Variants in TMEM132D observed in about 807,000 individuals in gnomAD.
TMEM132D encodes the protein transmembrane protein 132D.
TMEM132D carries 21 observed loss-of-function variants against 62.3 expected under a neutral mutation model. That is an observed-to-expected ratio of 0.34 (90% CI 0.24 to 0.49). TMEM132D has a LOEUF of 0.49. Among genes scored for constraint, TMEM132D ranks in the 20% least tolerant of loss-of-function variants. The pLI is 0.99. For missense variants in TMEM132D, 1,346 were observed against 1,402.8 expected (o/e 0.96, Z 0.65); for synonymous variants, 621 against 575.6 (o/e 1.08, Z -1.13).
chr12:129,524,633 C>T (rs1174819616), intron 3 of TMEM132D, among the ~76,000 whole-genome samples: 1 of 152,114 alleles, frequency 6.6e-6, no homozygotes, highest in African/African-American at 2.4e-5. Context: ...AAGCTTTTAT[C>T]TAGAGCATAT....
intron 4 of TMEM132D, among the ~76,000 whole-genome samples, chr12:129,225,361 C>T (rs897923428): frequency 1.3e-5 from 2 of 152,216 alleles, no homozygotes; most frequent in African/African-American, 4.8e-5. Context: ...TACACAGCAT[C>T]AGATGTGGGA....
chr12:129,117,473 A>G (rs1170154488), intron 5 of TMEM132D, among the ~76,000 whole-genome samples: 1 of 152,222 alleles, frequency 6.6e-6, no homozygotes, highest in Non-Finnish European at 1.5e-5. Flanking sequence ...TGACATTTAT[A>G]TAGTATTTAC....
chr12:129,219,574 A>G (rs1274218136), intron 4 of TMEM132D, among the ~76,000 whole-genome samples: 9 of 152,194 alleles, frequency 5.9e-5, no homozygotes, highest in Admixed American at 5.9e-4. Flanking sequence ...GAAATTCCCC[A>G]TGATAAAGTA....
chr12:129,687,563 G>A (rs1880962725), intron 2 of TMEM132D, among the ~76,000 whole-genome samples: 1 of 152,100 alleles, frequency 6.6e-6, no homozygotes, highest in South Asian at 2.1e-4. Context: ...GGCACAACCA[G>A]GGGGGTGAAA....
Position 129,881,316 on chromosome 12 carries a change from T to C in TMEM132D, c.79+21945A>G, listed in dbSNP as rs1193138056. On this transcript the variant is annotated intron_variant, in intron 1 of 8. Coordinates refer to ENST00000422113, the MANE Select transcript of TMEM132D (RefSeq NM_133448.3). ...AGAAAATATACATAAAGAAAATTCA[T>C]AAGAATATGGACTATCTGGTATGAA... is the stretch of plus-strand genomic sequence containing the variant. Among the ~76,000 whole-genome samples, 5 of 151,936 alleles carry C rather than the reference T, an allele frequency of 3.3e-5. No individual in the cohort carries two copies. The East Asian group carries it at 9.6e-4, about 29-fold the overall frequency.
chr12:129,437,334 C>T (rs992521616), intron 3 of TMEM132D, among the ~76,000 whole-genome samples: 1 of 152,162 alleles, frequency 6.6e-6, no homozygotes, highest in Non-Finnish European at 1.5e-5. Flanking sequence ...CTTGCACCTT[C>T]CCCCAAACAG....
At position 129,788,399 on chromosome 12, in the gene TMEM132D, C is replaced by T. The variant is rs146100046; in HGVS notation, c.80-87701G>A. On this transcript the variant is annotated intron_variant, in intron 1 of 8. Coordinates refer to ENST00000422113, the MANE Select transcript of TMEM132D (RefSeq NM_133448.3). ...CAAATGCATATTGTTTAGTTGCTTG[C>T]GCAGAATTGTAAGAAACATAAAGAA... 4.0e-4 allele frequency among the ~76,000 whole-genome samples: 61 copies of T among 152,234 alleles called. 1 individual carries two copies. In the East Asian group the frequency reaches 0.01, roughly 26 times the overall value.
intron 1 of TMEM132D, among the ~76,000 whole-genome samples, chr12:129,879,954 T>C (rs1034490210): frequency 2.6e-5 from 4 of 152,146 alleles, no homozygotes; most frequent in Non-Finnish European, 4.4e-5. Flanking sequence ...AGGAGCTATC[T>C]GAAGAGGAAA....
At chr12:129,803,213 C>T (rs1168431475) in intron 1 of TMEM132D, among the ~76,000 whole-genome samples, 1 of 150,930 alleles carries the variant, frequency 6.6e-6, no homozygotes, top group African/African-American at 2.4e-5. Context: ...CAGAACTCTC[C>T]ACCCCAAATC....
intron 2 of TMEM132D, among the ~76,000 whole-genome samples, chr12:129,664,421 A>ATTTTTTTTTTTT (rs34308998): frequency 8.8e-6 from 1 of 114,224 alleles, no homozygotes; most frequent in Non-Finnish European, 1.7e-5. Context: ...AATTACAAGA[A>ATTTTTTTTTTTT]TTTTTTTTTT....
At chr12:129,374,479 G>A (rs532277998) in intron 3 of TMEM132D, among the ~76,000 whole-genome samples, 2 of 152,260 alleles carry the variant, frequency 1.3e-5, no homozygotes, top group African/African-American at 4.8e-5. Flanking sequence ...CTTGGGCTGG[G>A]AGTGGAAGGG....
At position 129,807,804 on chromosome 12, in the gene TMEM132D, C is replaced by T. The variant is rs1268554635; in HGVS notation, c.79+95457G>A. 3.3e-5 allele frequency among the ~76,000 whole-genome samples: 5 copies of T among 152,272 alleles called. No homozygotes were observed. The South Asian group carries it at 8.3e-4, about 25-fold the overall frequency. On this transcript the variant is annotated intron_variant, in intron 1 of 8. Transcript: ENST00000422113. ...TGATAAACAACCTAATAGCCATTCA[C>T]GTCCAGCCACCCTCCATGATTCCAT...
At chr12:129,305,752 C>T (rs1323697604) in intron 4 of TMEM132D, among the ~76,000 whole-genome samples, 4 of 152,120 alleles carry the variant, frequency 2.6e-5, no homozygotes, top group African/African-American at 7.2e-5. Flanking sequence ...AATAGCACTG[C>T]GTCTCTCACA....
intron 1 of TMEM132D, among the ~76,000 whole-genome samples, chr12:129,760,646 C>CTTTTTT (rs67750432): frequency 2.0e-5 from 3 of 146,996 alleles, no homozygotes; most frequent in Non-Finnish European, 1.5e-5. Flanking sequence ...TGCGCCCGGA[C>CTTTTTT]TTTTTTTTTT....
intron 1 of TMEM132D, among the ~76,000 whole-genome samples, chr12:129,870,610 G>T (rs535459453): frequency 6.6e-6 from 1 of 152,138 alleles, no homozygotes; most frequent in Non-Finnish European, 1.5e-5. Flanking sequence ...TCCATGTGGC[G>T]CTTCCTGAGT....
intron 2 of TMEM132D, among the ~76,000 whole-genome samples, chr12:129,533,670 T>C (rs1876293116): frequency 1.3e-5 from 2 of 152,264 alleles, no homozygotes; most frequent in Admixed American, 1.3e-4. Context: ...ACACAGTGGC[T>C]TGTTCAACCC....
chr12:129,426,299 G>T (rs1229644686), intron 3 of TMEM132D, among the ~76,000 whole-genome samples: 2 of 152,186 alleles, frequency 1.3e-5, no homozygotes, highest in Admixed American at 6.5e-5. Context: ...GCAGGAGAAA[G>T]GAGGTTCCCT....
At chr12:129,305,502 C>T (rs534751605) in intron 4 of TMEM132D, among the ~76,000 whole-genome samples, 5 of 152,138 alleles carry the variant, frequency 3.3e-5, no homozygotes, top group South Asian at 4.1e-4. Flanking sequence ...TAGATGTATG[C>T]CCCCCAAAAA....
At chr12:129,415,684 C>T (rs966868537) in intron 3 of TMEM132D, among the ~76,000 whole-genome samples, 3 of 152,204 alleles carry the variant, frequency 2.0e-5, no homozygotes, top group Admixed American at 1.3e-4. Flanking sequence ...CACAGAAACA[C>T]CTCCTCTGCA....
Sources: allele counts gnomAD v4.1 joint callset (sites outside exome capture counted in the v4.1 genomes callset), GRCh38; gene constraint gnomAD v4.1.1; transcripts MANE v1.5; gene names NCBI Gene and HGNC (gene_info 2026-07-23, HGNC 2026-07-21).